The following ADAMTS2 variants were observed in gnomAD, a reference collection of about 807,000 sequenced individuals.
The protein encoded by ADAMTS2 is ADAM metallopeptidase with thrombospondin type 1 motif 2, also known as A disintegrin and metalloproteinase with thrombospondin motifs 2.
Under a neutral mutation model 123.0 loss-of-function variants are expected in ADAMTS2, and 50 were observed. The ratio of observed to expected loss-of-function variants is 0.41; its 90% CI spans 0.32 to 0.51. ADAMTS2 has a LOEUF of 0.51. Among genes scored for constraint, ADAMTS2 ranks in the 20% least tolerant of loss-of-function variants. The pLI is 0.35. For missense variants in ADAMTS2, 1,494 were observed against 1,705.2 expected (o/e 0.88, Z 2.18); for synonymous variants, 678 against 695.4 (o/e 0.98, Z 0.39).
At chr5:179,255,877 T>C (rs1055793339) in intron 3 of ADAMTS2, among the ~76,000 whole-genome samples, 1 of 152,106 alleles carries the variant, frequency 6.6e-6, no homozygotes, top group South Asian at 2.1e-4. Flanking sequence ...CTGGAGTGTG[T>C]GACACAATTC....
At chr5:179,336,233 C>G (rs1388490509) in intron 2 of ADAMTS2, among the ~76,000 whole-genome samples, 1 of 152,220 alleles carries the variant, frequency 6.6e-6, no homozygotes, top group Non-Finnish European at 1.5e-5. Flanking sequence ...CTGTCAACAC[C>G]CTGGACACTC....
In ADAMTS2 at chr5:179,242,145, G is replaced by A. The variant is rs1284254888; in HGVS notation, c.688+30766C>T. Among the ~76,000 whole-genome samples, 4 of 152,210 alleles carry A rather than the reference G, an allele frequency of 2.6e-5. No homozygotes were observed. Among genetic ancestry groups the A allele is most frequent in the East Asian group, 1.9e-4 (1 of 5,196 alleles). On this transcript the variant is annotated intron_variant, in intron 3 of 21. Coordinates refer to ENST00000251582, the MANE Select transcript of ADAMTS2 (RefSeq NM_014244.5). This position sits in a 1 kb window ranked among gnomAD's most constrained non-coding sequence, Gnocchi z 4.2. ...CTTCCTGGCTCAGTAAGCTCACAGC[G>A]TAGGCCTGGGGCTGCGTATGTGAAG...
chr5:179,320,092 GA>G (rs1757118162), intron 2 of ADAMTS2, among the ~76,000 whole-genome samples: 1 of 152,238 alleles, frequency 6.6e-6, no homozygotes, highest in African/African-American at 2.4e-5. Flanking sequence ...GAGAGCTGTA[GA>G]GGCTGGTCAG....
At position 179,242,394 on chromosome 5, in the gene ADAMTS2, T is replaced by TA. The variant is rs546951539; in HGVS notation, c.688+30516dup. Among the ~76,000 whole-genome samples, 272 of 152,212 alleles carry TA rather than the reference T, an allele frequency of 1.8e-3. 2 individuals carry two copies. The highest frequency in any genetic ancestry group is 6.2e-3 in the African/African-American group (258 of 41,532). On this transcript the variant is annotated intron_variant, in intron 3 of 21. Coordinates refer to ENST00000251582, the MANE Select transcript of ADAMTS2 (RefSeq NM_014244.5). This position sits in a 1 kb window ranked among gnomAD's most constrained non-coding sequence, Gnocchi z 4.2. ...TACCTTCCTTATTGCTGTGGCCCTT[T>TA]AAAAAAAGATTAGGAATCATCTGCC... is the stretch of plus-strand genomic sequence containing the variant.
rs1323923392 is a variant in ADAMTS2 at position 179,225,187 on chromosome 5, T to A, written c.689-17472A>T. Among the ~76,000 whole-genome samples the A allele has an allele frequency of 1.3e-5, 2 of 152,182 alleles. No individual in the cohort carries two copies. The highest frequency in any genetic ancestry group is 4.8e-5 in the African/African-American group (2 of 41,450). On this transcript the variant is annotated intron_variant, in intron 3 of 21. Coordinates refer to ENST00000251582, the MANE Select transcript of ADAMTS2 (RefSeq NM_014244.5). This position sits in a 1 kb window ranked among gnomAD's most constrained non-coding sequence, Gnocchi z 4.5. Reference sequence around the variant, plus strand: ...CTCCTCCCTCTCATGGACTCTCAATTCAGCCCCGCACAGCCAAGGGCTCAC... The same window carrying A: ...CTCCTCCCTCTCATGGACTCTCAATACAGCCCCGCACAGCCAAGGGCTCAC...
At chr5:179,122,187 G>A (rs1263703264) in intron 20 of ADAMTS2, among the ~76,000 whole-genome samples, 1 of 152,176 alleles carries the variant, frequency 6.6e-6, no homozygotes, top group Non-Finnish European at 1.5e-5. Context: ...TCTATAGAAG[G>A]GAACTGTGGC....
chr5:179,166,683 C>T (rs1763705444), intron 5 of ADAMTS2, among the ~76,000 whole-genome samples: 2 of 152,240 alleles, frequency 1.3e-5, no homozygotes, highest in Admixed American at 6.5e-5. Flanking sequence ...GGTCCCTCCT[C>T]CTGCGTGCGA....
chr5:179,132,824 T>C lies in ADAMTS2; in HGVS notation c.2162A>G (p.His721Arg), dbSNP rs759511915. ...KCGVCGGDNSHCKVVKGTFTR... is the reference protein window; with the variant it reads ...KCGVCGGDNSRCKVVKGTFTR... ...GAACGTGCCCTTGACCACTTTGCAG[T>C]GGCTGTTGTCCCCTCCGCACACGCC... is the stretch of plus-strand genomic sequence containing the variant. The change falls in exon 14 of 22, where the codon CAC becomes CGC. Residue 721 changes from histidine to arginine, a missense_variant. By Grantham distance (29) the His-to-Arg change is conservative (BLOSUM62 0). Around this residue, in one of 6 missense-constraint regions of ADAMTS2, gnomAD observed 953 missense variants for 1,124.7 expected, o/e 0.85. Transcript: ENST00000251582. The surrounding 1 kb of genome is among the most constrained non-coding windows in gnomAD (Gnocchi z 6.1). 1 of 1,614,160 alleles carries C rather than the reference T, an allele frequency of 6.2e-7. No homozygotes were observed. The highest frequency in any genetic ancestry group is 8.5e-7 in the Non-Finnish European group (1 of 1,180,024).
At chr5:179,333,658 G>A (rs955767617) in intron 2 of ADAMTS2, among the ~76,000 whole-genome samples, 2 of 144,814 alleles carry the variant, frequency 1.4e-5, no homozygotes, top group Non-Finnish European at 3.0e-5. Context: ...GGAGTGCAGT[G>A]GCGCAATTTC....
rs141348218 is a variant in ADAMTS2 at position 179,154,888 on chromosome 5, C to T, written c.1164G>A (p.Pro388=). 189 of 1,613,588 alleles carry T rather than the reference C, an allele frequency of 1.2e-4. No individual in the cohort carries two copies. The African/African-American group carries it at 1.9e-3, about 16-fold the overall frequency. ...GYAPVTGMCH[P]VRSCTLNHED... ...CATGGTTCAGGGTGCAGCTGCGGAC[C>T]GGATGGCACATGCCGGTGACAGGAG... The change falls in exon 7 of 22, where the codon CCG becomes CCA. Residue 388 remains proline (P), a synonymous_variant. Coordinates refer to ENST00000251582, the MANE Select transcript of ADAMTS2 (RefSeq NM_014244.5).
At chr5:179,208,070 C>T (rs1361141509) in intron 3 of ADAMTS2, among the ~76,000 whole-genome samples, 1 of 152,250 alleles carries the variant, frequency 6.6e-6, no homozygotes, top group Non-Finnish European at 1.5e-5. Context: ...TTATGGAGCC[C>T]AGGGCTGGCA....
rs34487269 is a variant in ADAMTS2, at chr5:179,309,757, CAAAAAAAA to C, written c.534+34002_534+34009del. Among the ~76,000 whole-genome samples, 37 of 44,472 alleles carry C rather than the reference CAAAAAAAA, an allele frequency of 8.3e-4. 1 individual carries two copies. Among genetic ancestry groups the C allele is most frequent in the African/African-American group, 2.4e-3 (33 of 13,512 alleles). The allele number at this position is 44,472 out of a possible 152,430, so 29.2% of individuals were successfully genotyped here. A position where few individuals can be genotyped will look rare whatever the true frequency, so the allele number is the denominator to read the frequency against. On this transcript the variant is annotated intron_variant, in intron 2 of 21. Coordinates refer to ENST00000251582, the MANE Select transcript of ADAMTS2 (RefSeq NM_014244.5). ...GGGCAACACAGCAAGACTCAGTCTC[CAAAAAAAA>C]AAAAAAAAAAAAAAAAAAAGGCTCT...
chr5:179,185,573 T>C lies in ADAMTS2; in HGVS notation c.892-4418A>G, dbSNP rs1764155726. Among the ~76,000 whole-genome samples, 1 of 152,134 alleles carries C rather than the reference T, an allele frequency of 6.6e-6. No homozygotes were observed. The highest frequency in any genetic ancestry group is 2.1e-4 in the South Asian group (1 of 4,834). ...AGGAATCTTGTGTCCTTCTGAACAT[T>C]GAGCAGATCTAATCCTGCTCCCTGA... On this transcript the variant is annotated intron_variant, in intron 4 of 21. Coordinates refer to ENST00000251582, the MANE Select transcript of ADAMTS2 (RefSeq NM_014244.5). This position sits in a 1 kb window ranked among gnomAD's most constrained non-coding sequence, Gnocchi z 5.9.
chr5:179,151,098 T>C (rs1298835947), intron 10 of ADAMTS2: 2 of 369,800 alleles, frequency 5.4e-6, no homozygotes, highest in Non-Finnish European at 1.1e-5. Flanking sequence ...GATTTTGCCA[T>C]GTTAACCAGA....
chr5:179,211,339 C>G (rs1764845375), intron 3 of ADAMTS2, among the ~76,000 whole-genome samples: 1 of 149,664 alleles, frequency 6.7e-6, no homozygotes, highest in East Asian at 1.9e-4. Context: ...CTGTGTGCAG[C>G]CTTCCCCACA....
intron 2 of ADAMTS2, among the ~76,000 whole-genome samples, chr5:179,338,982 A>G (rs1256416753): frequency 6.6e-6 from 1 of 152,034 alleles, no homozygotes; most frequent in Non-Finnish European, 1.5e-5. Flanking sequence ...TCATCCAGGG[A>G]AGGGGGTTCC....
Position 179,132,401 on chromosome 5 carries a change from C to T in ADAMTS2, c.2210-91G>A. ...CAAGGAGGGGCCTCGCTCTTGAAGG[C>T]AGCTCCTCCGGAGGCTCTCCCAGGA... On this transcript the variant is annotated intron_variant, in intron 14 of 21. Transcript: ENST00000251582. This position sits in a 1 kb window ranked among gnomAD's most constrained non-coding sequence, Gnocchi z 6.1. The T allele has an allele frequency of 1.6e-6, 2 of 1,289,166 alleles. No individual in the cohort carries two copies. The highest frequency in any genetic ancestry group is 1.2e-5 in the South Asian group (1 of 80,850). 79.9% of individuals were successfully genotyped at this position (1,289,166 alleles called of 1,614,324 possible).
intron 3 of ADAMTS2, among the ~76,000 whole-genome samples, chr5:179,245,787 A>AAACAAAAAAAAC (rs1367952378): frequency 5.3e-5 from 4 of 76,128 alleles, no homozygotes; most frequent in African/African-American, 1.8e-4. Context: ...AAAAAAAAAA[A>AAACAAAAAAAAC]AAAAAAAACA....
At chr5:179,248,712 C>T (rs1057384444) in intron 3 of ADAMTS2, among the ~76,000 whole-genome samples, 4 of 151,742 alleles carry the variant, frequency 2.6e-5, no homozygotes, top group Non-Finnish European at 5.9e-5. Context: ...CATAAACACA[C>T]CTAACAACAG....
Sources: gnomAD v4.1 joint callset for allele counts (sites outside exome capture counted in the v4.1 genomes callset) on GRCh38, gnomAD v4.1.1 for gene constraint, gnomAD v4.1.1 regional missense constraint, Gnocchi (gnomAD v3.1) non-coding constraint, MANE v1.5 for transcripts, NCBI Gene and HGNC (gene_info 2026-07-23, HGNC 2026-07-21) for gene names.